The following PKHD1 variants were observed in gnomAD, a reference collection of about 807,000 sequenced individuals.
PKHD1 encodes PKHD1 ciliary IPT domain containing fibrocystin/polyductin.
Under a neutral mutation model 412.0 loss-of-function variants are expected in PKHD1, and 291 were observed. The ratio of observed to expected loss-of-function variants is 0.71; its 90% CI spans 0.64 to 0.78. PKHD1 has a LOEUF of 0.78. Ranked by LOEUF, PKHD1 falls within the 30% of genes least tolerant of loss-of-function variation. The probability of loss-of-function intolerance (pLI) is 0.00; values close to 1 mark genes in which losing one functional copy is unlikely to be tolerated. For synonymous variants in PKHD1, 1,777 were observed against 1,821.5 expected (o/e 0.98, Z 0.62); for missense variants, 4,825 against 4,950.7 (o/e 0.97, Z 0.76).
chr6:51,693,510 T>C (rs540146583), intron 60 of PKHD1, among the ~76,000 whole-genome samples: 60 of 152,320 alleles, frequency 3.9e-4, no homozygotes, highest in African/African-American at 1.3e-3. Flanking sequence ...ATCATTACAA[T>C]AAACCTAAAT....
rs1445930700 is a variant in PKHD1 at position 52,025,436 on chromosome 6, G to A, written c.4374C>T (p.Ser1458=). The A allele has an allele frequency of 1.2e-6, 2 of 1,606,736 alleles. No homozygotes were observed. The highest frequency in any genetic ancestry group is 2.7e-5 in the African/African-American group (2 of 74,712). ...CATTGACCAGGACTGTGACGTTCAG[G>A]GAGAAGGAAGCTCCAGGCAAGGGGT... ...EGDPLPGASF[S]LNVTVLVNGL... is the part of the protein sequence containing the mutation. Residue 1458 remains serine (S), a synonymous_variant, in exon 32 of 67, where the codon TCC becomes TCT. Transcript: ENST00000371117.
chr6:51,976,841 G>A (rs564843405), intron 35 of PKHD1, among the ~76,000 whole-genome samples: 111 of 150,564 alleles, frequency 7.4e-4, no homozygotes, highest in African/African-American at 1.8e-3. Context: ...CCAGCTACTC[G>A]GGAGACTGAG....
At chr6:51,976,879 C>T (rs1468772268) in intron 35 of PKHD1, among the ~76,000 whole-genome samples, 2 of 133,000 alleles carry the variant, frequency 1.5e-5, no homozygotes, top group East Asian at 2.5e-4. Flanking sequence ...ACCCGGGAGG[C>T]GGAGGTTGCA....
intron 18 of PKHD1, 42 bp downstream of exon 18, chr6:52,056,656 C>A (rs1807794387): frequency 7.6e-7 from 1 of 1,322,958 alleles, no homozygotes; most frequent in Non-Finnish European, 1.1e-6. Context: ...AGAAAGAAGA[C>A]CATGATGAAA....
chr6:52,035,127 A>C (rs1309623541), intron 28 of PKHD1, among the ~76,000 whole-genome samples: 1 of 152,244 alleles, frequency 6.6e-6, no homozygotes, highest in Non-Finnish European at 1.5e-5. Context: ...GCAATGGAGA[A>C]TAACTAAGAA....
At chr6:52,041,702 C>G (rs1030879363) in intron 27 of PKHD1, among the ~76,000 whole-genome samples, 1 of 152,076 alleles carries the variant, frequency 6.6e-6, no homozygotes, top group African/African-American at 2.4e-5. Flanking sequence ...CCTAGAAATC[C>G]CTTCACTGAA....
rs746844312 is a variant in PKHD1, at chr6:51,887,243, C to T, written c.6999G>A (p.Gly2333=). 6.3e-7 allele frequency: 1 copy of T among 1,592,766 alleles called. No individual in the cohort carries two copies. Among genetic ancestry groups the T allele is most frequent in the Non-Finnish European group, 8.6e-7 (1 of 1,160,658 alleles). ...CATAGCCAGCACCACACACTCTGTTCCCCTACAGAAATTAAGAAGAGTTAA... is the reference window on the plus strand; with the variant it reads ...CATAGCCAGCACCACACACTCTGTTTCCCTACAGAAATTAAGAAGAGTTAA... ...YICSPTNVIE[G]NRVCGAGYGY... The change falls in exon 44 of 67, where the codon GGG becomes GGA. Residue 2333 remains glycine (G), a splice_region_variant and synonymous_variant. Coordinates refer to ENST00000371117, the MANE Select transcript of PKHD1 (RefSeq NM_138694.4).
intron 27 of PKHD1, among the ~76,000 whole-genome samples, chr6:52,040,616 C>T (rs1476011608): frequency 3.9e-5 from 6 of 152,204 alleles, no homozygotes; most frequent in Non-Finnish European, 7.3e-5. Flanking sequence ...CCAGCCATGG[C>T]AACCTCCATG....
At position 51,856,720 on chromosome 6, in the gene PKHD1, G is replaced by GC. The variant is rs148652500; in HGVS notation, c.7734-651dup. On this transcript the variant is annotated intron_variant, in intron 48 of 66. Transcript: ENST00000371117. ...CTCCTCTCCTGCAGTCTTGTGTAAT[G>GC]CCTAGTACTCACTGCTATTACAGTA... Among the ~76,000 whole-genome samples, 134 of 152,304 alleles carry GC rather than the reference G, an allele frequency of 8.8e-4. 1 individual carries two copies. Among genetic ancestry groups the GC allele is most frequent in the African/African-American group, 3.1e-3 (130 of 41,566 alleles).
At chr6:51,767,114 CTAAT>C (rs1582561849) in intron 55 of PKHD1, among the ~76,000 whole-genome samples, 1 of 151,882 alleles carries the variant, frequency 6.6e-6, no homozygotes, top group East Asian at 1.9e-4. Flanking sequence ...AATTCAAATG[CTAAT>C]TTATTCAAAT....
At chr6:51,653,953 T>A (rs1203756343) in intron 61 of PKHD1, among the ~76,000 whole-genome samples, 3 of 152,158 alleles carry the variant, frequency 2.0e-5, no homozygotes, top group African/African-American at 7.2e-5. Context: ...ATAATCAAAT[T>A]TTCCTGTTTA....
chr6:52,073,041 G>A (rs1810859213), intron 7 of PKHD1, among the ~76,000 whole-genome samples: 1 of 152,176 alleles, frequency 6.6e-6, no homozygotes, highest in Non-Finnish European at 1.5e-5. Flanking sequence ...CTGTGTCCAT[G>A]TTTTCCTCTG....
At chr6:51,798,588 T>G (rs942811243) in intron 52 of PKHD1, among the ~76,000 whole-genome samples, 2 of 152,098 alleles carry the variant, frequency 1.3e-5, no homozygotes, top group African/African-American at 4.8e-5. Context: ...GAGAATTTGA[T>G]GAGTATGTGT....
At chr6:51,979,529 CTCTG>C (rs1291386774) in intron 35 of PKHD1, among the ~76,000 whole-genome samples, 1 of 151,936 alleles carries the variant, frequency 6.6e-6, no homozygotes, top group Non-Finnish European at 1.5e-5. Flanking sequence ...TTCATTCTCT[CTCTG>C]TCTTTCTCCC....
At chr6:51,655,256 T>G (rs1437232692) in intron 61 of PKHD1, among the ~76,000 whole-genome samples, 1 of 152,104 alleles carries the variant, frequency 6.6e-6, no homozygotes, top group African/African-American at 2.4e-5. Flanking sequence ...TTCTACTCTT[T>G]CATGCTCCAA....
intron 30 of PKHD1, 69 bp from the exon 31 acceptor site, chr6:52,027,965 G>T: frequency 2.3e-6 from 3 of 1,302,300 alleles, no homozygotes; most frequent in Non-Finnish European, 3.3e-6. Context: ...AGCCAGAAGA[G>T]CCATATGTAT....
intron 37 of PKHD1, among the ~76,000 whole-genome samples, chr6:51,920,914 G>T (rs1784589249): frequency 6.6e-6 from 1 of 152,148 alleles, no homozygotes; most frequent in Non-Finnish European, 1.5e-5. Context: ...TTGTGTAGAG[G>T]TGTTTATAGT....
intron 27 of PKHD1, among the ~76,000 whole-genome samples, chr6:52,036,161 G>A (rs1803917902): frequency 6.6e-6 from 1 of 152,196 alleles, no homozygotes; most frequent in East Asian, 1.9e-4. Flanking sequence ...GCTACTTTTA[G>A]CAGGTCATTG....
At chr6:51,790,255 AATTAGT>A in intron 53 of PKHD1, among the ~76,000 whole-genome samples, 1 of 152,334 alleles carries the variant, frequency 6.6e-6, no homozygotes, top group East Asian at 1.9e-4. Flanking sequence ...TAAAGTTCTA[AATTAGT>A]TCCTTTGGAG....
Sources: gnomAD v4.1 joint callset for allele counts (sites outside exome capture counted in the v4.1 genomes callset) on GRCh38, gnomAD v4.1.1 for gene constraint, MANE v1.5 for transcripts, NCBI Gene and HGNC (gene_info 2026-07-23, HGNC 2026-07-21) for gene names.